GAD2: variants seen among roughly 807,000 people sequenced by gnomAD.
GAD2 encodes the protein glutamate decarboxylase 2, also known as 65 kDa glutamic acid decarboxylase.
A neutral mutation model predicts 80.1 loss-of-function variants in GAD2; 22 were observed. The observed-to-expected ratio is 0.27, with a 90% CI of 0.20 to 0.39. The LOEUF is 0.39. GAD2 is among the 10% of genes least tolerant of loss of function. GAD2 has a pLI of 1.00. For synonymous variants in GAD2, 274 were observed against 256.9 expected (o/e 1.07, Z -0.64); for missense variants, 624 against 738.4 (o/e 0.85, Z 1.80).
chr10:26,292,701 A>T, intron 14 of GAD2, 129 bp downstream of exon 14: 1 of 844,594 alleles, frequency 1.2e-6, no homozygotes, highest in Non-Finnish European at 1.9e-6. Context: ...ATGACGGGGT[A>T]GCTATTCCAA....
At chr10:26,224,742 C>CAGAGGCATAGG in intron 6 of GAD2, 91 bp downstream of exon 6, 3 of 902,130 alleles carry the variant, frequency 3.3e-6, no homozygotes, top group Non-Finnish European at 5.3e-6. Context: ...CTAGCCTATG[C>CAGAGGCATAGG]CTCTGCTTAG....
In GAD2 at chr10:26,303,472, G is replaced by GAAGGAAGGAAAGGA. The variant is rs1564315365; in HGVS notation, c.*2512_*2513insAGGAAGGAAAGGAA. 2.1e-5 allele frequency: 3 copies of GAAGGAAGGAAAGGA among 141,102 alleles called. No individual in the cohort carries two copies. Among genetic ancestry groups the GAAGGAAGGAAAGGA allele is most frequent in the African/African-American group, 7.9e-5 (3 of 38,110 alleles). 8.7% of individuals were successfully genotyped at this position (141,102 alleles called of 1,614,324 possible). ...GGAGGGAGGGAGGGAGGGAGGGAAG[G>GAAGGAAGGAAAGGA]AGGGAGGGAGGAAGGAAATGAAGGG... On this transcript the variant is annotated 3_prime_UTR_variant, in exon 16 of 16. Transcript: ENST00000376261.
At position 26,245,974 on chromosome 10, in the gene GAD2, C is replaced by A; in HGVS notation, c.894C>A (p.Ser298Arg). The A allele has an allele frequency of 6.2e-7, 1 of 1,614,044 alleles. No homozygotes were observed. Among genetic ancestry groups the A allele is most frequent in the Non-Finnish European group, 8.5e-7 (1 of 1,179,950 alleles). Reference protein sequence around the residue: ...GAAALGIGTDSVILIKCDERG... With the variant: ...GAAALGIGTDRVILIKCDERG... ...CAGCCTTAGGGATTGGAACAGACAG[C>A]GTGATTCTGATTAAATGTGATGAGA... The change falls in exon 8 of 16, where the codon AGC (serine) becomes AGA (arginine). Residue 298 changes from serine to arginine, a missense_variant. By Grantham distance (110) the Ser-to-Arg change is moderately radical. Transcript: ENST00000376261.
chr10:26,261,654 T>C (rs1845009553), intron 8 of GAD2, among the ~76,000 whole-genome samples: 1 of 152,176 alleles, frequency 6.6e-6, no homozygotes, highest in African/African-American at 2.4e-5. Flanking sequence ...GTATTTAGGC[T>C]TTTGCATTTA....
At chr10:26,255,365 G>A (rs1844930362) in intron 8 of GAD2, among the ~76,000 whole-genome samples, 1 of 152,152 alleles carries the variant, frequency 6.6e-6, no homozygotes, top group South Asian at 2.1e-4. Flanking sequence ...AGGGGTGAGG[G>A]CAGAAGGCAA....
rs78257668 is a variant in GAD2, at chr10:26,255,808, C to T, written c.920+9808C>T. Reference sequence around the variant, plus strand: ...GTAGGATCTTTCCCTGAGAAGCTCACACAAACTCTGAAATTATTTCAAATC... The same window carrying T: ...GTAGGATCTTTCCCTGAGAAGCTCATACAAACTCTGAAATTATTTCAAATC... On this transcript the variant is annotated intron_variant, in intron 8 of 15. Transcript: ENST00000376261. Among the ~76,000 whole-genome samples, 992 of 151,912 alleles carry T rather than the reference C, an allele frequency of 6.5e-3. 15 individuals carry two copies. Among genetic ancestry groups the T allele is most frequent in the African/African-American group, 0.023 (937 of 41,410 alleles).
intron 15 of GAD2, among the ~76,000 whole-genome samples, chr10:26,296,941 G>T (rs749142738): frequency 6.6e-6 from 1 of 151,694 alleles, no homozygotes; most frequent in Admixed American, 6.6e-5. Flanking sequence ...TTAAGACAGG[G>T]TCTCACTCTG....
chr10:26,300,160 T>A (rs767612306), intron 15 of GAD2, among the ~76,000 whole-genome samples: 8 of 152,184 alleles, frequency 5.3e-5, no homozygotes, highest in African/African-American at 1.2e-4. Flanking sequence ...TAGAGTATAA[T>A]CTCGTCTGTG....
chr10:26,217,504 C>T lies in GAD2; in HGVS notation c.77-106C>T. 1.6e-6 allele frequency: 2 copies of T among 1,254,398 alleles called. No individual in the cohort carries two copies. The highest frequency in any genetic ancestry group is 2.3e-6 in the Non-Finnish European group (2 of 877,892). The allele number at this position is 1,254,398 out of a possible 1,614,324, so 77.7% of individuals were successfully genotyped here. A position where few individuals can be genotyped will look rare whatever the true frequency, so the allele number is the denominator to read the frequency against. On this transcript the variant is annotated intron_variant, in intron 1 of 15. Coordinates refer to ENST00000376261, the MANE Select transcript of GAD2 (RefSeq NM_001134366.2). This position sits in a 1 kb window ranked among gnomAD's most constrained non-coding sequence, Gnocchi z 4.9. The stretch of plus-strand genomic sequence containing the variant: ...GCGGCCCCCAGGAGGAAGGCGGCCC[C>T]TCCTAGGACCCCGGACTGATTGATT...
At chr10:26,223,707 G>A (rs1039268641) in intron 4 of GAD2, among the ~76,000 whole-genome samples, 180 bp from the exon 5 acceptor site, 1 of 148,762 alleles carries the variant, frequency 6.7e-6, no homozygotes, top group East Asian at 1.9e-4. Flanking sequence ...GTGTGTATGT[G>A]CATGTGTGTG....
intron 5 of GAD2, 42 bp downstream of exon 5, chr10:26,224,019 T>A (rs748025901): frequency 7.4e-7 from 1 of 1,346,656 alleles, no homozygotes; most frequent in Admixed American, 1.7e-5. Flanking sequence ...AGGATAATTA[T>A]TAGTGACATT....
chr10:26,277,102 G>A (rs1190095239), intron 11 of GAD2, among the ~76,000 whole-genome samples: 2 of 152,214 alleles, frequency 1.3e-5, no homozygotes, highest in South Asian at 4.1e-4. Flanking sequence ...ATTACAGGGA[G>A]CTTTCACCAA....
intron 13 of GAD2, among the ~76,000 whole-genome samples, chr10:26,291,662 CT>C (rs1192483681): frequency 6.6e-6 from 1 of 152,120 alleles, no homozygotes; most frequent in East Asian, 1.9e-4. Flanking sequence ...TGAGCACTGG[CT>C]TTTACTCTTA....
In GAD2 at chr10:26,301,676, G is replaced by T. The variant is rs889117205; in HGVS notation, c.*715G>T. ...GGTATTATTGCTTCTTTCTATACATGTTATGGCTTATCACATCTCTAAAGT... is the reference window on the plus strand; with the variant it reads ...GGTATTATTGCTTCTTTCTATACATTTTATGGCTTATCACATCTCTAAAGT... On this transcript the variant is annotated 3_prime_UTR_variant, in exon 16 of 16. Transcript: ENST00000376261. 1 of 151,988 alleles carries T rather than the reference G, an allele frequency of 6.6e-6. No homozygotes were observed. Among genetic ancestry groups the T allele is most frequent in the Non-Finnish European group, 1.5e-5 (1 of 67,996 alleles). The allele number at this position is 151,988 out of a possible 1,614,324, so 9.4% of individuals were successfully genotyped here.
At chr10:26,264,632 T>G (rs1422723792) in intron 8 of GAD2, among the ~76,000 whole-genome samples, 1 of 152,134 alleles carries the variant, frequency 6.6e-6, no homozygotes, top group Non-Finnish European at 1.5e-5. Flanking sequence ...CTTTTAACCA[T>G]AGTCAACTGC....
chr10:26,266,859 A>G (rs1024387932), intron 8 of GAD2, among the ~76,000 whole-genome samples: 1 of 152,164 alleles, frequency 6.6e-6, no homozygotes, highest in African/African-American at 2.4e-5. Context: ...CAGGTTTCCT[A>G]TATGTTTGGC....
At position 26,270,737 on chromosome 10, in the gene GAD2, A is replaced by C; in HGVS notation, c.1073A>C (p.Lys358Thr). The C allele has an allele frequency of 6.2e-7, 1 of 1,611,486 alleles. No homozygotes were observed. The highest frequency in any genetic ancestry group is 1.3e-5 in the African/African-American group (1 of 74,980). ...GTCGCTGACATTTGCAAAAAGTATA[A>C]GATCTGGATGCATGTGGATGTAAGT... is the stretch of plus-strand genomic sequence containing the variant. ...LAVADICKKY[K>T]IWMHVDAAWG... Residue 358 changes from lysine (K) to threonine (T), a missense_variant, in exon 10 of 16, where the codon AAG becomes ACG. Physicochemically the swap from Lys to Thr is moderately conservative, Grantham distance 78. Coordinates refer to ENST00000376261, the MANE Select transcript of GAD2 (RefSeq NM_001134366.2).
chr10:26,219,360 G>A, intron 4 of GAD2, 84 bp downstream of exon 4: 1 of 874,352 alleles, frequency 1.1e-6, no homozygotes, highest in Non-Finnish European at 1.7e-6. Context: ...TTTGTTTGAT[G>A]GAGTTACTGA....
At chr10:26,233,740 T>G (rs1381944184) in intron 7 of GAD2, among the ~76,000 whole-genome samples, 1 of 152,226 alleles carries the variant, frequency 6.6e-6, no homozygotes, top group East Asian at 1.9e-4. Flanking sequence ...AAGTCATTTC[T>G]CAAATGCCTT....
Sources: allele counts gnomAD v4.1 joint callset (sites outside exome capture counted in the v4.1 genomes callset), GRCh38; gene constraint gnomAD v4.1.1; non-coding constraint Gnocchi (gnomAD v3.1); transcripts MANE v1.5; gene names NCBI Gene and HGNC (gene_info 2026-07-23, HGNC 2026-07-21).